DCLK1: variants seen among roughly 807,000 people sequenced by gnomAD.
The protein encoded by DCLK1 is doublecortin like kinase 1.
DCLK1 carries 16 observed loss-of-function variants against 86.2 expected under a neutral mutation model. The ratio of observed to expected loss-of-function variants is 0.19; its 90% confidence interval spans 0.13 to 0.28. The LOEUF (loss-of-function observed/expected upper bound fraction) is 0.28, where lower values mean the gene tolerates loss of function less well. Among genes scored for constraint, DCLK1 ranks in the 10% least tolerant of loss-of-function variants. The pLI is 1.00. For synonymous variants in DCLK1, 369 were observed against 370.5 expected (o/e 1.00, Z 0.05); for missense variants, 590 against 940.2 (o/e 0.63, Z 4.87).
At chr13:35,891,550 G>A (rs933708673) in intron 4 of DCLK1, among the ~76,000 whole-genome samples, 11 of 152,142 alleles carry the variant, frequency 7.2e-5, no homozygotes, top group Admixed American at 6.6e-5. Context: ...TTGTGGTGAC[G>A]ACTGCACAAT....
intron 4 of DCLK1, among the ~76,000 whole-genome samples, chr13:35,922,285 G>A (rs1358078889): frequency 6.6e-6 from 1 of 152,142 alleles, no homozygotes; most frequent in Non-Finnish European, 1.5e-5. Flanking sequence ...TCTTGGGGGT[G>A]ATGGTAGCTT....
At position 35,774,528 on chromosome 13, in the gene DCLK1, G is replaced by C. The variant is rs1420394816; in HGVS notation, c.*7C>G. 2 of 1,551,536 alleles carry C rather than the reference G, an allele frequency of 1.3e-6. No homozygotes were observed. The highest frequency in any genetic ancestry group is 1.4e-5 in the African/African-American group (1 of 73,016). On this transcript the variant is annotated 3_prime_UTR_variant, in exon 17 of 17. Transcript: ENST00000360631. The stretch of plus-strand genomic sequence containing the variant: ...GTTAAGCTAGGACTTTGAGTAAAAG[G>C]GTCTTATTAAAAGGGCGAGTTAGGG...
chr13:36,039,449 A>G (rs2153154826), intron 3 of DCLK1, among the ~76,000 whole-genome samples: 1 of 152,332 alleles, frequency 6.6e-6, no homozygotes, highest in Middle Eastern at 3.4e-3. Context: ...TTGGTGAATA[A>G]AATTCACACT....
chr13:35,936,174 T>C (rs1160282652), intron 4 of DCLK1, among the ~76,000 whole-genome samples: 1 of 152,076 alleles, frequency 6.6e-6, no homozygotes, highest in African/African-American at 2.4e-5. Flanking sequence ...ATCAAAAATG[T>C]CAAATGCTAC....
At chr13:36,012,770 G>A (rs556282386) in intron 3 of DCLK1, among the ~76,000 whole-genome samples, 6 of 88,696 alleles carry the variant, frequency 6.8e-5, no homozygotes, top group African/African-American at 1.8e-4. Flanking sequence ...TCTGAACGTC[G>A]GCCTGCCTTG....
intron 4 of DCLK1, among the ~76,000 whole-genome samples, chr13:35,892,817 C>T (rs1411086104): frequency 6.6e-6 from 1 of 152,206 alleles, no homozygotes; most frequent in African/African-American, 2.4e-5. Context: ...TTAAACACCT[C>T]TGGATCTTTA....
At chr13:35,906,378 G>A (rs1237798187) in intron 4 of DCLK1, among the ~76,000 whole-genome samples, 5 of 150,994 alleles carry the variant, frequency 3.3e-5, no homozygotes, top group Admixed American at 2.0e-4. Flanking sequence ...TCTGTTAAAT[G>A]AATAGAAAAT....
At chr13:35,988,238 G>T (rs1880041273) in intron 3 of DCLK1, among the ~76,000 whole-genome samples, 1 of 152,218 alleles carries the variant, frequency 6.6e-6, no homozygotes, top group Admixed American at 6.5e-5. Flanking sequence ...GATCCCCAAT[G>T]TGACCTCAGC....
chr13:36,033,921 T>C (rs1454951091), intron 3 of DCLK1, among the ~76,000 whole-genome samples: 1 of 152,178 alleles, frequency 6.6e-6, no homozygotes, highest in Non-Finnish European at 1.5e-5. Context: ...GCAAAACCTT[T>C]ATCATATATG....
intron 4 of DCLK1, among the ~76,000 whole-genome samples, chr13:35,908,899 G>C (rs972101252): frequency 6.6e-6 from 1 of 152,212 alleles, no homozygotes; most frequent in East Asian, 1.9e-4. Context: ...GTCTCCCAAA[G>C]TGTTAGGATT....
intron 16 of DCLK1, among the ~76,000 whole-genome samples, chr13:35,777,146 A>G (rs1428696777): frequency 5.3e-5 from 8 of 152,228 alleles, no homozygotes. Flanking sequence ...GACCTCATGC[A>G]CAAATGCTCC....
At chr13:36,083,997 A>G (rs1884508890) in intron 3 of DCLK1, among the ~76,000 whole-genome samples, 2 of 152,194 alleles carry the variant, frequency 1.3e-5, no homozygotes, top group South Asian at 4.1e-4. Flanking sequence ...AATCGGTCAA[A>G]TTGATACTTT....
At chr13:35,801,132 T>TA (rs1289131886) in intron 15 of DCLK1, among the ~76,000 whole-genome samples, 1 of 152,220 alleles carries the variant, frequency 6.6e-6, no homozygotes, top group Non-Finnish European at 1.5e-5. Context: ...ACAACGTCCT[T>TA]ACGGTTCACA....
chr13:36,023,337 G>C, intron 3 of DCLK1, among the ~76,000 whole-genome samples: 1 of 152,192 alleles, frequency 6.6e-6, no homozygotes, highest in Admixed American at 6.5e-5. Flanking sequence ...TCCAAAGGCT[G>C]GTAGCCTGAG....
chr13:35,884,635 C>G (rs1475020682), intron 4 of DCLK1, among the ~76,000 whole-genome samples: 1 of 152,108 alleles, frequency 6.6e-6, no homozygotes, highest in African/African-American at 2.4e-5. Flanking sequence ...CTGACTTTAT[C>G]CCAGTCATGC....
intron 3 of DCLK1, among the ~76,000 whole-genome samples, chr13:36,015,729 C>T (rs1376658626): frequency 6.6e-6 from 1 of 152,172 alleles, no homozygotes; most frequent in East Asian, 1.9e-4. Flanking sequence ...TTTCACCACC[C>T]ACACCTGCCA....
intron 14 of DCLK1, among the ~76,000 whole-genome samples, chr13:35,806,186 G>A (rs1013439067): frequency 6.6e-6 from 1 of 151,970 alleles, no homozygotes; most frequent in African/African-American, 2.4e-5. Flanking sequence ...GCAGCTGAAA[G>A]GAAAAATGAA....
At chr13:35,806,676 C>T (rs1465912867) in intron 14 of DCLK1, among the ~76,000 whole-genome samples, 1 of 152,168 alleles carries the variant, frequency 6.6e-6, no homozygotes, top group Admixed American at 6.5e-5. Flanking sequence ...GATCAGAACT[C>T]GTGAAAGTAT....
chr13:35,961,600 C>G (rs983102547), intron 3 of DCLK1, among the ~76,000 whole-genome samples: 9 of 152,096 alleles, frequency 5.9e-5, no homozygotes, highest in Non-Finnish European at 1.3e-4. Flanking sequence ...CCCTTGCATC[C>G]CCTGAAATAA....
Sources: gnomAD v4.1 joint callset for allele counts (sites outside exome capture counted in the v4.1 genomes callset) on GRCh38, gnomAD v4.1.1 for gene constraint, MANE v1.5 for transcripts, NCBI Gene and HGNC (gene_info 2026-07-23, HGNC 2026-07-21) for gene names.